The following GYS2 variants were observed in gnomAD, a reference collection of about 807,000 sequenced individuals.
GYS2 encodes glycogen [starch] synthase, liver.
Under a neutral mutation model 85.6 loss-of-function variants are expected in GYS2, and 80 were observed. That is an observed-to-expected ratio of 0.93 (90% CI 0.78 to 1.13). The LOEUF (loss-of-function observed/expected upper bound fraction) is 1.13, where lower values mean the gene tolerates loss of function less well. GYS2 is among the 50% of genes most tolerant of loss of function. The pLI, the probability that GYS2 is intolerant of heterozygous loss-of-function variation, is 0.00. For missense variants in GYS2, 881 were observed against 854.9 expected, an observed-to-expected ratio of 1.03 and a Z score of -0.38; for synonymous variants, 328 against 300.7, an observed-to-expected ratio of 1.09 and a Z score of -0.94.
intron 1 of GYS2, among the ~76,000 whole-genome samples, chr12:21,603,284 G>A (rs150537530): frequency 2.4e-4 from 37 of 152,158 alleles, no homozygotes; most frequent in Admixed American, 1.7e-3. Context: ...GAATAAGACC[G>A]TGCTTTGTTC....
chr12:21,543,384 G>A (rs934996836), intron 12 of GYS2, among the ~76,000 whole-genome samples: 1 of 152,156 alleles, frequency 6.6e-6, no homozygotes, highest in African/African-American at 2.4e-5. Flanking sequence ...TCTAATTTTA[G>A]TGGTGGGTGG....
intron 11 of GYS2, among the ~76,000 whole-genome samples, chr12:21,553,969 G>A (rs1409526551): frequency 6.6e-6 from 1 of 152,186 alleles, no homozygotes; most frequent in Non-Finnish European, 1.5e-5. Context: ...TAACTGAAAA[G>A]CCATGTTGAG....
rs529340028 is a variant in GYS2, at chr12:21,538,869, CCTG to C, written c.1890+386_1890+388del. Among the ~76,000 whole-genome samples the C allele has an allele frequency of 6.6e-5, 10 of 152,282 alleles. 1 individual carries two copies. In the South Asian group the frequency reaches 1.9e-3, roughly 28 times the overall value. On this transcript the variant is annotated intron_variant, in intron 15 of 15. Transcript: ENST00000261195. The stretch of plus-strand genomic sequence containing the variant: ...TAAATGCTCATCTAGTTCAATTCCT[CCTG>C]GGGTGCTGAACTTACTCTATTTTAC...
In GYS2 at chr12:21,560,381, A is replaced by C; in HGVS notation, c.1169+5T>G. On this transcript the variant is annotated splice_donor_5th_base_variant and intron_variant, in intron 8 of 15. Coordinates refer to ENST00000261195, the MANE Select transcript of GYS2 (RefSeq NM_021957.4). ...CTAGAGAACATTCACAGGTTGTGAG[A>C]TTACCACAGCTGTTTTCGCACTGCT... The C allele has an allele frequency of 6.8e-7, 1 of 1,474,930 alleles. No individual in the cohort carries two copies. Among genetic ancestry groups the C allele is most frequent in the African/African-American group, 1.4e-5 (1 of 72,376 alleles). The allele number at this position is 1,474,930 out of a possible 1,614,324, so 91.4% of individuals were successfully genotyped here. A position where few individuals can be genotyped will look rare whatever the true frequency, so the allele number is the denominator to read the frequency against.
In GYS2 at chr12:21,580,525, T is replaced by A; in HGVS notation, c.122-2A>T. 1.9e-6 allele frequency: 3 copies of A among 1,610,730 alleles called. No homozygotes were observed. The highest frequency in any genetic ancestry group is 1.7e-6 in the Non-Finnish European group (2 of 1,177,626). On this transcript the variant is annotated splice_acceptor_variant, in intron 1 of 15. Coordinates refer to ENST00000261195, the MANE Select transcript of GYS2 (RefSeq NM_021957.4). LOFTEE classifies it high-confidence loss of function. ...GAATCACAGTATAGATGCCTCCAAC[T>A]GTTAAAAGGAAAAAAGTTTCTATTA... is the stretch of plus-strand genomic sequence containing the variant.
chr12:21,551,894 G>T (rs941610576), intron 11 of GYS2, among the ~76,000 whole-genome samples: 1 of 152,232 alleles, frequency 6.6e-6, no homozygotes, highest in South Asian at 2.1e-4. Context: ...CTACTTTAGC[G>T]TTTCCAAGCT....
chr12:21,578,622 A>G (rs1241530572), intron 2 of GYS2, among the ~76,000 whole-genome samples: 2 of 151,980 alleles, frequency 1.3e-5, no homozygotes, highest in Admixed American at 6.6e-5. Flanking sequence ...GACCTTTAAT[A>G]CCTGCTTCAG....
chr12:21,534,426 A>T (rs1403942924), downstream of GYS2, among the ~76,000 whole-genome samples: 1 of 152,196 alleles, frequency 6.6e-6, no homozygotes, highest in Non-Finnish European at 1.5e-5. Context: ...CTGCAGCACA[A>T]GAATTGCTTG....
At chr12:21,583,941 C>T (rs1465194946) in intron 1 of GYS2, among the ~76,000 whole-genome samples, 1 of 152,224 alleles carries the variant, frequency 6.6e-6, no homozygotes, top group African/African-American at 2.4e-5. Flanking sequence ...TCCTGACACA[C>T]TGCTTTCTCT....
intron 11 of GYS2, among the ~76,000 whole-genome samples, chr12:21,548,656 C>T (rs532914763): frequency 1.3e-5 from 2 of 152,160 alleles, no homozygotes; most frequent in South Asian, 2.1e-4. Flanking sequence ...ACACTGGAAA[C>T]GCAGAAACAA....
chr12:21,589,574 T>C (rs1483523360), intron 1 of GYS2, among the ~76,000 whole-genome samples: 1 of 152,004 alleles, frequency 6.6e-6, no homozygotes, highest in African/African-American at 2.4e-5. Context: ...ACAGGAAGCA[T>C]CTAAGGCAAT....
rs182322932 is a variant in GYS2, at chr12:21,584,775, C to A, written c.122-4252G>T. On this transcript the variant is annotated intron_variant, in intron 1 of 15. Coordinates refer to ENST00000261195, the MANE Select transcript of GYS2 (RefSeq NM_021957.4). ...GGGTTTCCCAATCCTGAACTCAATG[C>A]TTATGCCAAGACTACCATCCATGGA... Among the ~76,000 whole-genome samples the A allele has an allele frequency of 1.8e-4, 27 of 152,254 alleles. No homozygotes were observed. In the East Asian group the frequency reaches 4.3e-3, roughly 24 times the overall value.
chr12:21,572,135 G>A, intron 4 of GYS2, among the ~76,000 whole-genome samples: 1 of 152,162 alleles, frequency 6.6e-6, no homozygotes, highest in East Asian at 1.9e-4. Flanking sequence ...CATATTCTCA[G>A]AAATTTCATA....
chr12:21,542,294 C>T (rs1229739265), intron 13 of GYS2, among the ~76,000 whole-genome samples: 1 of 152,218 alleles, frequency 6.6e-6, no homozygotes, highest in Non-Finnish European at 1.5e-5. Flanking sequence ...AAGTGATCCA[C>T]CCACCTCGGC....
chr12:21,593,808 A>T (rs1944665862), intron 1 of GYS2, among the ~76,000 whole-genome samples: 1 of 152,108 alleles, frequency 6.6e-6, no homozygotes, highest in Non-Finnish European at 1.5e-5. Flanking sequence ...GGATGCAAGT[A>T]AAAATAAAAC....
At chr12:21,586,099 A>G (rs930118433) in intron 1 of GYS2, among the ~76,000 whole-genome samples, 2 of 152,052 alleles carry the variant, frequency 1.3e-5, no homozygotes, top group African/African-American at 4.8e-5. Context: ...GCCAAAGGAG[A>G]TTAACATTTT....
At chr12:21,535,055 G>A (rs967146500), downstream of GYS2, 1 of 152,222 alleles carries the variant, frequency 6.6e-6, no homozygotes. Context: ...GCAGCTGTCT[G>A]AATAGGGGAC....
intron 1 of GYS2, among the ~76,000 whole-genome samples, chr12:21,588,258 C>G (rs960672616): frequency 6.6e-6 from 1 of 152,186 alleles, no homozygotes; most frequent in Non-Finnish European, 1.5e-5. Context: ...TTAATAGCTA[C>G]TATATTTCTT....
chr12:21,601,833 G>C lies in GYS2; in HGVS notation c.121+2639C>G, dbSNP rs112609269. On this transcript the variant is annotated intron_variant, in intron 1 of 15. Coordinates refer to ENST00000261195, the MANE Select transcript of GYS2 (RefSeq NM_021957.4). ...AGTGCCTGATACCTAATAGACACTT[G>C]ATGAATCCTTACTGAATAATAAAAT... 7.1e-3 allele frequency among the ~76,000 whole-genome samples: 1,086 copies of C among 152,168 alleles called. 12 individuals are homozygous for C. Among genetic ancestry groups the C allele is most frequent in the African/African-American group, 0.025 (1,046 of 41,538 alleles).
Sources: gnomAD v4.1 joint callset for allele counts (sites outside exome capture counted in the v4.1 genomes callset) on GRCh38, gnomAD v4.1.1 for gene constraint, MANE v1.5 for transcripts, NCBI Gene and HGNC (gene_info 2026-07-23, HGNC 2026-07-21) for gene names.